The following FAM13A variants were observed in gnomAD, a reference collection of about 807,000 sequenced individuals.
FAM13A encodes the protein family with sequence similarity 13 member A.
Under a neutral mutation model 129.6 loss-of-function variants are expected in FAM13A, and 76 were observed. The ratio of observed to expected loss-of-function variants is 0.59; its 90% CI spans 0.49 to 0.71. FAM13A has a LOEUF of 0.71. Among genes scored for constraint, FAM13A ranks in the 30% least tolerant of loss-of-function variants. The pLI is 0.00. For synonymous variants in FAM13A, 443 were observed against 449.9 expected, an observed-to-expected ratio of 0.98 and a Z score of 0.20; for missense variants, 1,108 against 1,249.3, an observed-to-expected ratio of 0.89 and a Z score of 1.70.
intron 6 of FAM13A, among the ~76,000 whole-genome samples, chr4:88,876,197 G>A (rs886336817): frequency 6.6e-6 from 1 of 152,034 alleles, no homozygotes; most frequent in African/African-American, 2.4e-5. Context: ...TGCAAATGAC[G>A]AGTTAATGGG....
intron 7 of FAM13A, among the ~76,000 whole-genome samples, chr4:88,846,420 T>C (rs1736650942): frequency 6.6e-6 from 1 of 152,234 alleles, no homozygotes; most frequent in Non-Finnish European, 1.5e-5. Flanking sequence ...TTTCCCCCTC[T>C]TCCTCTCCCT....
intron 4 of FAM13A, chr4:88,989,766 C>T (rs548558747): frequency 1.6e-4 from 24 of 152,234 alleles, no homozygotes; most frequent in Non-Finnish European, 2.8e-4. Flanking sequence ...AGATCAAGCC[C>T]AATGTCTAAG....
intron 6 of FAM13A, among the ~76,000 whole-genome samples, chr4:88,891,635 C>A (rs550533124): frequency 3.5e-4 from 53 of 152,200 alleles, no homozygotes; most frequent in African/African-American, 1.2e-3. Flanking sequence ...TCCAGTGATA[C>A]AATCTTGGTT....
chr4:88,743,185 C>T (rs1034525234), intron 19 of FAM13A, among the ~76,000 whole-genome samples: 5 of 152,036 alleles, frequency 3.3e-5, no homozygotes, highest in Admixed American at 6.6e-5. Flanking sequence ...TTGGTTGTCC[C>T]GTAAATTTCG....
At chr4:89,016,212 C>T (rs1482486363) in intron 3 of FAM13A, among the ~76,000 whole-genome samples, 3 of 145,570 alleles carry the variant, frequency 2.1e-5, no homozygotes, top group Non-Finnish European at 3.0e-5. Flanking sequence ...CACAATTTTA[C>T]AAAGTAAAAA....
intron 1 of FAM13A, among the ~76,000 whole-genome samples, chr4:89,037,459 T>C (rs1769534811): frequency 6.6e-6 from 1 of 151,760 alleles, no homozygotes; most frequent in Admixed American, 6.5e-5. Context: ...TGGAAGAAAC[T>C]AACTTGGTAA....
chr4:88,979,056 G>A lies in FAM13A; in HGVS notation c.605+11917C>T, dbSNP rs73847212. Among the ~76,000 whole-genome samples, 297 of 152,222 alleles carry A rather than the reference G, an allele frequency of 2.0e-3. 1 individual carries two copies. The highest frequency in any genetic ancestry group is 6.8e-3 in the African/African-American group (283 of 41,546). On this transcript the variant is annotated intron_variant, in intron 4 of 23. Transcript: ENST00000264344. ...GAGCACCAGCTTAAGAAAACTCAAGGAAGAGAGTGAAAAGCAATGTACAAA... is the reference window on the plus strand; with the variant it reads ...GAGCACCAGCTTAAGAAAACTCAAGAAAGAGAGTGAAAAGCAATGTACAAA...
At position 88,910,654 on chromosome 4, in the gene FAM13A, C is replaced by CTT. The variant is rs201111714; in HGVS notation, c.760-4194_760-4193dup. 8.4e-5 allele frequency among the ~76,000 whole-genome samples: 12 copies of CTT among 142,748 alleles called. No individual in the cohort carries two copies. In the East Asian group the frequency reaches 1.6e-3, roughly 19 times the overall value. The allele number at this position is 142,748 out of a possible 152,430, so 93.6% of individuals were successfully genotyped here. A position where few individuals can be genotyped will look rare whatever the true frequency, so the allele number is the denominator to read the frequency against. ...AACCTTAAACTTACTGGTTTTAATT[C>CTT]TTTTTTTTTTTTTTGAGATGGAGTC... On this transcript the variant is annotated intron_variant, in intron 5 of 23. Transcript: ENST00000264344.
intron 5 of FAM13A, among the ~76,000 whole-genome samples, chr4:88,927,486 G>GTT (rs1554031424): frequency 0.041 from 3,880 of 95,434 alleles, 76 homozygotes; most frequent in Non-Finnish European, 0.068. Context: ...CTGGTTCTAG[G>GTT]TTTTTTTTTT....
chr4:88,837,610 T>C (rs1284332781), intron 7 of FAM13A, among the ~76,000 whole-genome samples: 4 of 147,508 alleles, frequency 2.7e-5, no homozygotes, highest in African/African-American at 5.0e-5. Flanking sequence ...CCCAGCTACT[T>C]GGGAGGCTGA....
intron 6 of FAM13A, among the ~76,000 whole-genome samples, chr4:88,890,515 C>T (rs1413781064): frequency 6.6e-6 from 1 of 152,098 alleles, no homozygotes; most frequent in East Asian, 1.9e-4. Context: ...ACAGCAAATA[C>T]ACTCATGGAA....
At chr4:88,860,059 T>C (rs1739232575) in intron 6 of FAM13A, among the ~76,000 whole-genome samples, 1 of 152,202 alleles carries the variant, frequency 6.6e-6, no homozygotes, top group Admixed American at 6.5e-5. Flanking sequence ...ATAAATCATA[T>C]ATTATAAAAC....
At chr4:89,015,242 G>A (rs962199915) in intron 3 of FAM13A, among the ~76,000 whole-genome samples, 6 of 152,160 alleles carry the variant, frequency 3.9e-5, no homozygotes, top group East Asian at 3.9e-4. Context: ...ATTTCGCCCC[G>A]GTCCTGTGAT....
intron 19 of FAM13A, among the ~76,000 whole-genome samples, chr4:88,745,001 C>T (rs1741013050): frequency 6.6e-6 from 1 of 152,154 alleles, no homozygotes; most frequent in Non-Finnish European, 1.5e-5. Flanking sequence ...AATGCACATT[C>T]TTTCGCCTGA....
Position 88,971,750 on chromosome 4 carries a change from A to C in FAM13A, c.605+19223T>G, listed in dbSNP as rs79213943. On this transcript the variant is annotated intron_variant, in intron 4 of 23. Coordinates refer to ENST00000264344, the MANE Select transcript of FAM13A (RefSeq NM_014883.4). ...GTCTCAAGCAATCCTGGCCTCAAGC[A>C]ATCCTCCCACCAGCCTTCTGAGTTG... Among the ~76,000 whole-genome samples, 480 of 152,300 alleles carry C rather than the reference A, an allele frequency of 3.2e-3. 6 individuals carry two copies. In the East Asian group the frequency reaches 0.033, roughly 10 times the overall value.
At chr4:89,010,410 A>G (rs1173328740) in intron 3 of FAM13A, among the ~76,000 whole-genome samples, 1 of 152,198 alleles carries the variant, frequency 6.6e-6, no homozygotes, top group Non-Finnish European at 1.5e-5. Context: ...CTAAGTCCCA[A>G]ATTTGCCTGG....
intron 10 of FAM13A, among the ~76,000 whole-genome samples, chr4:88,786,672 C>T (rs1208736745): frequency 1.3e-5 from 2 of 151,766 alleles, no homozygotes; most frequent in African/African-American, 2.4e-5. Flanking sequence ...ATTGATACTG[C>T]TTTATTTCTA....
Position 88,737,486 on chromosome 4 carries a change from A to T in FAM13A, c.2632T>A (p.Phe878Ile), listed in dbSNP as rs773575695. 5.0e-6 allele frequency: 8 copies of T among 1,613,988 alleles called. No individual in the cohort carries two copies. The highest frequency in any genetic ancestry group is 6.8e-6 in the Non-Finnish European group (8 of 1,179,904). The change falls in exon 21 of 24, where the codon TTC (phenylalanine) becomes ATC (isoleucine). Residue 878 changes from phenylalanine (F) to isoleucine (I), a missense_variant. Physicochemically the swap from Phe to Ile is conservative, Grantham distance 21. Coordinates refer to ENST00000264344, the MANE Select transcript of FAM13A (RefSeq NM_014883.4). ...GGGGTCTTCACCTTTATCTCCTTGA[A>T]GAAGGAAGCAGTTTCGCCCTCGATA... ...PIIEGETASF[F>I]KEIKEEEEGS...
chr4:88,956,677 G>A (rs1179545476), intron 4 of FAM13A, among the ~76,000 whole-genome samples: 1 of 152,090 alleles, frequency 6.6e-6, no homozygotes, highest in Non-Finnish European at 1.5e-5. Flanking sequence ...GTCTCAGTAG[G>A]CCAAAAAAGT....
Sources: allele counts gnomAD v4.1 joint callset (sites outside exome capture counted in the v4.1 genomes callset), GRCh38; gene constraint gnomAD v4.1.1; transcripts MANE v1.5; gene names NCBI Gene and HGNC (gene_info 2026-07-23, HGNC 2026-07-21).